FAF1: variants seen among roughly 807,000 people sequenced by gnomAD.
FAF1 encodes the protein FAS-associated factor 1.
Under a neutral mutation model 92.5 loss-of-function variants are expected in FAF1, and 25 were observed. The observed-to-expected ratio is 0.27, with a 90% confidence interval of 0.20 to 0.38. FAF1 has a LOEUF of 0.38. FAF1 is among the 10% of genes least tolerant of loss of function. FAF1 has a pLI of 1.00. For synonymous variants in FAF1, 234 were observed against 273.2 expected (o/e 0.86, Z 1.42); for missense variants, 636 against 793.3 (o/e 0.80, Z 2.38).
At chr1:50,547,370 T>TAAATTATCTC (rs1416497129) in intron 13 of FAF1, among the ~76,000 whole-genome samples, 1 of 152,152 alleles carries the variant, frequency 6.6e-6, no homozygotes, top group Admixed American at 6.5e-5. Context: ...AGTAAACTGT[T>TAAATTATCTC]AAATTATCTC....
chr1:50,447,178 T>A (rs1462787749), intron 18 of FAF1, among the ~76,000 whole-genome samples: 1 of 140,410 alleles, frequency 7.1e-6, no homozygotes, highest in African/African-American at 2.7e-5. Context: ...CAGGCTGGAG[T>A]GCAGGGGCAC....
At chr1:50,456,118 T>C (rs1646349949) in intron 18 of FAF1, among the ~76,000 whole-genome samples, 1 of 151,974 alleles carries the variant, frequency 6.6e-6, no homozygotes, top group East Asian at 1.9e-4. Flanking sequence ...GATTTCACTA[T>C]GTTGCCTAGG....
intron 7 of FAF1, among the ~76,000 whole-genome samples, chr1:50,691,796 T>C (rs1569776170): frequency 6.6e-6 from 1 of 152,316 alleles, no homozygotes; most frequent in Non-Finnish European, 1.5e-5. Context: ...CCTGGGACTA[T>C]AGGCGTGAGC....
chr1:50,466,044 A>G (rs1449157228), intron 18 of FAF1, among the ~76,000 whole-genome samples: 1 of 152,182 alleles, frequency 6.6e-6, no homozygotes, highest in Non-Finnish European at 1.5e-5. Flanking sequence ...GCCTTATTAA[A>G]AAAAAATCGC....
chr1:50,554,390 T>TATATATAGAGAGAGAGAG, intron 13 of FAF1, among the ~76,000 whole-genome samples: 36 of 93,686 alleles, frequency 3.8e-4, no homozygotes, highest in African/African-American at 1.4e-3. Flanking sequence ...TATATATATA[T>TATATATAGAGAGAGAGAG]AGAGAGAGAG....
In FAF1 at chr1:50,695,735, G is replaced by A. The variant is rs370168274; in HGVS notation, c.657+10051C>T. On this transcript the variant is annotated intron_variant, in intron 7 of 18. Coordinates refer to ENST00000396153, the MANE Select transcript of FAF1 (RefSeq NM_007051.3). ...CGATCTCGGCTCACTTGCAACCTCC[G>A]CCTCCTGGGTTCAAGTGATTCTCCT... 2.0e-4 allele frequency among the ~76,000 whole-genome samples: 30 copies of A among 152,078 alleles called. No homozygotes were observed. In the South Asian group the frequency reaches 4.8e-3, roughly 24 times the overall value.
intron 8 of FAF1, among the ~76,000 whole-genome samples, chr1:50,634,971 T>C (rs1359489122): frequency 1.3e-5 from 2 of 152,192 alleles, no homozygotes; most frequent in Non-Finnish European, 2.9e-5. Flanking sequence ...TATTAAAAAT[T>C]AGTCACTTAT....
intron 5 of FAF1, among the ~76,000 whole-genome samples, chr1:50,744,168 C>G (rs1171217487): frequency 6.6e-6 from 1 of 152,110 alleles, no homozygotes; most frequent in Admixed American, 6.6e-5. Flanking sequence ...TCTGCAAATT[C>G]TTAAAATATA....
At chr1:50,593,110 T>C (rs935340468) in intron 9 of FAF1, among the ~76,000 whole-genome samples, 3 of 152,108 alleles carry the variant, frequency 2.0e-5, no homozygotes, top group African/African-American at 4.8e-5. Context: ...CTGGTTATTA[T>C]AGGAGGGCAA....
At chr1:50,765,520 A>C (rs1337376956) in intron 4 of FAF1, among the ~76,000 whole-genome samples, 1 of 152,214 alleles carries the variant, frequency 6.6e-6, no homozygotes, top group Non-Finnish European at 1.5e-5. Context: ...AATTATTTCC[A>C]TTCAGAGAAA....
intron 2 of FAF1, among the ~76,000 whole-genome samples, chr1:50,806,319 C>A (rs950481002): frequency 6.6e-6 from 1 of 152,160 alleles, no homozygotes; most frequent in Non-Finnish European, 1.5e-5. Context: ...CAATAAGATA[C>A]CACCACACAC....
intron 18 of FAF1, among the ~76,000 whole-genome samples, chr1:50,441,978 C>T (rs1012172627): frequency 5.9e-5 from 9 of 151,268 alleles, no homozygotes; most frequent in African/African-American, 2.2e-4. Flanking sequence ...CCATGCCCAA[C>T]GATGAAGATC....
intron 15 of FAF1, among the ~76,000 whole-genome samples, chr1:50,527,860 C>A (rs930474041): frequency 3.3e-5 from 2 of 61,102 alleles, no homozygotes; most frequent in African/African-American, 6.7e-5. Context: ...TCCCTCTCTC[C>A]CTCTCTCCCT....
chr1:50,884,630 C>A (rs1053558974), intron 1 of FAF1, among the ~76,000 whole-genome samples: 1 of 151,864 alleles, frequency 6.6e-6, no homozygotes, highest in African/African-American at 2.4e-5. Flanking sequence ...TGATTAATAA[C>A]TTTTTTAATG....
intron 17 of FAF1, among the ~76,000 whole-genome samples, chr1:50,489,202 C>T (rs1281091979): frequency 1.2e-4 from 18 of 152,192 alleles, no homozygotes; most frequent in Admixed American, 1.2e-3. Flanking sequence ...GTAATATCTT[C>T]TTATAGGCAG....
intron 13 of FAF1, among the ~76,000 whole-genome samples, chr1:50,546,660 G>A (rs535486757): frequency 1.7e-4 from 26 of 152,176 alleles, no homozygotes; most frequent in Admixed American, 1.2e-3. Flanking sequence ...TACCGCGCCC[G>A]GCCATTAATT....
At chr1:50,691,098 T>C (rs181804292) in intron 7 of FAF1, among the ~76,000 whole-genome samples, 10 of 152,364 alleles carry the variant, frequency 6.6e-5, no homozygotes, top group Admixed American at 6.5e-4. Context: ...GGAGTAGAAT[T>C]GCTGGGTCAG....
chr1:50,594,665 G>A (rs540549795), intron 9 of FAF1, among the ~76,000 whole-genome samples: 3 of 151,692 alleles, frequency 2.0e-5, no homozygotes, highest in Admixed American at 6.6e-5. Flanking sequence ...GAGGTCAGGA[G>A]TTCGAGACCA....
chr1:50,786,213 A>T (rs1229970008), intron 4 of FAF1, among the ~76,000 whole-genome samples: 1 of 152,180 alleles, frequency 6.6e-6, no homozygotes, highest in African/African-American at 2.4e-5. Flanking sequence ...CTAAATGTCC[A>T]TTTATGATGT....
Sources: allele counts gnomAD v4.1 joint callset (sites outside exome capture counted in the v4.1 genomes callset), GRCh38; gene constraint gnomAD v4.1.1; transcripts MANE v1.5; gene names NCBI Gene and HGNC (gene_info 2026-07-23, HGNC 2026-07-21).